Variants in NEDD9 observed in about 807,000 individuals in gnomAD.
NEDD9 encodes neural precursor cell expressed, developmentally down-regulated 9.
NEDD9 carries 26 observed loss-of-function variants against 76.6 expected under a neutral mutation model. That is an observed-to-expected ratio of 0.34 (90% confidence interval 0.25 to 0.47). The LOEUF (loss-of-function observed/expected upper bound fraction) is 0.47. Ranked by LOEUF, NEDD9 falls within the 20% of genes least tolerant of loss-of-function variation. NEDD9 has a pLI of 1.00. For missense variants in NEDD9, 937 were observed against 1,058.5 expected (o/e 0.89, Z 1.59); for synonymous variants, 392 against 414.2 (o/e 0.95, Z 0.65).
chr6:11,291,323 G>A (rs1416636720), intron 3 of NEDD9, among the ~76,000 whole-genome samples: 1 of 138,946 alleles, frequency 7.2e-6, no homozygotes, highest in African/African-American at 2.8e-5. Flanking sequence ...CGCCCAGGCT[G>A]GAGTGCAGTG....
At chr6:11,366,297 AAGAAAGAAAGAAAG>A (rs957571587) in intron 1 of NEDD9, among the ~76,000 whole-genome samples, 10 of 125,488 alleles carry the variant, frequency 8.0e-5, no homozygotes, top group South Asian at 2.6e-4. Flanking sequence ...GAAGGAAGGA[AAGAAAGAAAGAAAG>A]AGAAAGAAAG....
At chr6:11,239,508 A>G (rs991949923) in intron 3 of NEDD9, among the ~76,000 whole-genome samples, 1 of 152,200 alleles carries the variant, frequency 6.6e-6, no homozygotes, top group African/African-American at 2.4e-5. Context: ...AACCTCTTTT[A>G]TCTGTTGAAC....
chr6:11,330,729 C>T (rs1253678528), intron 2 of NEDD9, among the ~76,000 whole-genome samples: 1 of 152,184 alleles, frequency 6.6e-6, no homozygotes, highest in Admixed American at 6.5e-5. Flanking sequence ...TTGGTGCCTC[C>T]TCCCATATAT....
intron 1 of NEDD9, 145 bp downstream of exon 1, chr6:11,232,359 G>T: frequency 1.0e-6 from 1 of 960,462 alleles, no homozygotes; most frequent in African/African-American, 1.6e-5. Flanking sequence ...TTGTCTGCTT[G>T]CATGTCAACC....
chr6:11,330,312 G>C (rs1403211301), intron 2 of NEDD9, among the ~76,000 whole-genome samples: 2 of 152,198 alleles, frequency 1.3e-5, no homozygotes, highest in Admixed American at 1.3e-4. Context: ...TTATCTGTGG[G>C]AGGGAGAAGA....
At chr6:11,306,188 T>TA (rs2113421488) in intron 2 of NEDD9, 1 of 710,148 alleles carries the variant, frequency 1.4e-6, no homozygotes, top group African/African-American at 1.8e-5. Flanking sequence ...GAAAGGTTGG[T>TA]AAGATCTGAA....
chr6:11,261,035 A>G (rs1760100174), intron 3 of NEDD9, among the ~76,000 whole-genome samples: 2 of 152,184 alleles, frequency 1.3e-5, no homozygotes, highest in South Asian at 4.1e-4. Context: ...TTTAATGACT[A>G]TAAAAACGAA....
At chr6:11,206,243 A>G (rs1581955587) in intron 2 of NEDD9, among the ~76,000 whole-genome samples, 1 of 151,544 alleles carries the variant, frequency 6.6e-6, no homozygotes, top group South Asian at 2.1e-4. Flanking sequence ...ATATGATGAA[A>G]CCCCGTCTCT....
intron 3 of NEDD9, among the ~76,000 whole-genome samples, chr6:11,286,067 G>A (rs1445119784): frequency 6.6e-6 from 1 of 152,132 alleles, no homozygotes; most frequent in Non-Finnish European, 1.5e-5. Context: ...GCCAGACACT[G>A]GCGGAAAATG....
intron 2 of NEDD9, among the ~76,000 whole-genome samples, chr6:11,308,771 C>CA (rs1462564372): frequency 1.3e-5 from 2 of 152,094 alleles, no homozygotes; most frequent in Non-Finnish European, 2.9e-5. Context: ...TTAAGCCCCA[C>CA]AAAAAATTGT....
chr6:11,289,147 C>T (rs1582000391), intron 3 of NEDD9, among the ~76,000 whole-genome samples: 2 of 152,322 alleles, frequency 1.3e-5, no homozygotes, highest in East Asian at 3.9e-4. Flanking sequence ...TACAATATTT[C>T]TGACTCACAA....
At chr6:11,335,603 T>G (rs1762140898) in intron 1 of NEDD9, among the ~76,000 whole-genome samples, 1 of 152,218 alleles carries the variant, frequency 6.6e-6, no homozygotes, top group Admixed American at 6.5e-5. Flanking sequence ...GACTACCACT[T>G]CTTCAAGCAT....
At chr6:11,238,186 C>T (rs994628358) in intron 3 of NEDD9, among the ~76,000 whole-genome samples, 2 of 152,124 alleles carry the variant, frequency 1.3e-5, no homozygotes, top group Admixed American at 1.3e-4. Flanking sequence ...ATATTCATCT[C>T]ACGTAACAGC....
chr6:11,244,892 T>G (rs976891661), intron 3 of NEDD9, among the ~76,000 whole-genome samples: 2 of 152,220 alleles, frequency 1.3e-5, no homozygotes, highest in Non-Finnish European at 2.9e-5. Context: ...TGAAGTCTAC[T>G]CTTAGACAAC....
chr6:11,190,813 C>T lies in NEDD9; in HGVS notation c.1056G>A (p.Pro352=), dbSNP rs575153183. Residue 352 remains proline, a synonymous_variant, in exon 5 of 7, where the codon CCG becomes CCA. Transcript: ENST00000379446. The surrounding 1 kb of genome is among the most constrained non-coding windows in gnomAD (Gnocchi z 5.8). ...AGTCCCGAGAGCCTTTAGCATCTGG[C>T]GGGTTATGCAGAGGGACATCATAAA... ...DGVYDVPLHN[P]PDAKGSRDLV... 3.8e-5 allele frequency: 62 copies of T among 1,613,968 alleles called. 1 individual carries two copies. The highest frequency in any genetic ancestry group is 1.2e-4 in the South Asian group (11 of 91,078).
At chr6:11,204,214 C>T (rs991786522) in intron 2 of NEDD9, among the ~76,000 whole-genome samples, 12 of 152,212 alleles carry the variant, frequency 7.9e-5, no homozygotes, top group Admixed American at 3.3e-4. Flanking sequence ...CAGCGGTATA[C>T]GTTTCTCAAT....
rs531949016 is a variant in NEDD9, at chr6:11,283,838, G to T, written c.12+22154C>A. ...TTGTGTCAGCAAGCCAGGAGGGAGG[G>T]TTCACGTGTGTGTGTGCAAGGGTGG... On this transcript the variant is annotated intron_variant, in intron 3 of 3. Coordinates refer to the NEDD9 transcript ENST00000397378. Among the ~76,000 whole-genome samples the T allele has an allele frequency of 2.0e-5, 3 of 152,252 alleles. No homozygotes were observed. In the South Asian group the frequency reaches 6.2e-4, roughly 32 times the overall value.
chr6:11,256,959 T>C (rs1442812504), intron 3 of NEDD9, among the ~76,000 whole-genome samples: 1 of 152,178 alleles, frequency 6.6e-6, no homozygotes, highest in Non-Finnish European at 1.5e-5. Context: ...CAAGCCTCTC[T>C]TAGAGAATCA....
In NEDD9 at chr6:11,350,835, G is replaced by A. The variant is rs141833720; in HGVS notation, c.-213-16274C>T. On this transcript the variant is annotated intron_variant, in intron 1 of 3. Coordinates refer to the NEDD9 transcript ENST00000397378. ...ATACACATAGCGTAGGTAAACACTC[G>A]GGGGCTCATGTCAGGGAGTGTCAAC... Among the ~76,000 whole-genome samples, 439 of 152,236 alleles carry A rather than the reference G, an allele frequency of 2.9e-3. 1 individual carries two copies. The highest frequency in any genetic ancestry group is 8.0e-3 in the Admixed American group (122 of 15,300).
Sources: allele counts gnomAD v4.1 joint callset (sites outside exome capture counted in the v4.1 genomes callset), GRCh38; gene constraint gnomAD v4.1.1; non-coding constraint Gnocchi (gnomAD v3.1); transcripts MANE v1.5; gene names NCBI Gene and HGNC (gene_info 2026-07-23, HGNC 2026-07-21).